The following FGF13 variants were observed in gnomAD, a reference collection of about 807,000 sequenced individuals.
The protein encoded by FGF13 is fibroblast growth factor 13.
Under a neutral mutation model 19.5 loss-of-function variants are expected in FGF13, and 2 were observed. The ratio of observed to expected loss-of-function variants is 0.10; its 90% CI spans 0.04 to 0.32. The LOEUF (loss-of-function observed/expected upper bound fraction) is 0.32, where lower values mean the gene tolerates loss of function less well. Ranked by LOEUF, FGF13 falls within the 10% of genes least tolerant of loss-of-function variation. The pLI is 1.00. For synonymous variants in FGF13, 72 were observed against 76.9 expected, an observed-to-expected ratio of 0.94 and a Z score of 0.33; for missense variants, 113 against 192.7, an observed-to-expected ratio of 0.59 and a Z score of 2.45.
At chrX:138,812,170 G>A (rs908661113) in intron 3 of FGF13, among the ~76,000 whole-genome samples, 9 of 111,251 alleles carry the variant, frequency 8.1e-5, no homozygotes, top group Non-Finnish European at 1.7e-4. Context: ...TACAACATGT[G>A]GTCTTTTGTG....
At chrX:139,160,197 C>T (rs775657198) in intron 1 of FGF13, among the ~76,000 whole-genome samples, 3 of 112,028 alleles carry the variant, frequency 2.7e-5, no homozygotes, top group Non-Finnish European at 3.8e-5. Flanking sequence ...CACTCAAAAC[C>T]GCACAACCAC....
At chrX:138,727,156 A>ATTT (rs78885934) in intron 1 of FGF13, among the ~76,000 whole-genome samples, 67 of 104,439 alleles carry the variant, frequency 6.4e-4, no homozygotes, top group African/African-American at 1.8e-3. Context: ...AATAAGATTC[A>ATTT]TTTTTTTTTT....
In FGF13 at chrX:138,618,460, CG is replaced by C. The variant is rs1372817880; in HGVS notation, c.*14389del. ...CTGAGAGGCTGTGAGCAGGGAACAG[CG>C]GTAGGGGCTCACAGCAACCAGAGAC... On this transcript the variant is annotated 3_prime_UTR_variant, in exon 5 of 5. Coordinates refer to ENST00000315930, the MANE Select transcript of FGF13 (RefSeq NM_004114.5). 1.8e-5 allele frequency: 2 copies of C among 111,428 alleles called. No individual in the cohort carries two copies. The highest frequency in any genetic ancestry group is 1.9e-4 in the Admixed American group (2 of 10,452). The allele number at this position is 111,428 out of a possible 1,213,427, so 9.2% of individuals were successfully genotyped here.
chrX:138,984,588 A>AAGAAGAAGG lies in FGF13; in HGVS notation c.-112-119939_-112-119938insCCTTCTTCT, dbSNP rs2091982501. On this transcript the variant is annotated intron_variant, in intron 1 of 2. Coordinates refer to the FGF13 transcript ENST00000421460. Reference sequence around the variant, plus strand: ...GAAGAAGAAGAAGAAGAAGAAGAAGAAGGAGGAGGAGGAGGAGGAGGAGGA... The same window carrying AAGAAGAAGG: ...GAAGAAGAAGAAGAAGAAGAAGAAGAAGAAGAAGGAGGAGGAGGAGGAGGAGGAGGAGGA... Among the ~76,000 whole-genome samples, 12 of 11,509 alleles carry AAGAAGAAGG rather than the reference A, an allele frequency of 1.0e-3. 1 individual carries two copies. Among genetic ancestry groups the AAGAAGAAGG allele is most frequent in the African/African-American group, 1.4e-3 (5 of 3,530 alleles). 10.0% of individuals were successfully genotyped at this position (11,509 alleles called of 115,157 possible).
chrX:139,044,549 TA>T (rs748920202), intron 1 of FGF13, among the ~76,000 whole-genome samples: 12 of 111,095 alleles, frequency 1.1e-4, no homozygotes, highest in Non-Finnish European at 1.9e-4. Context: ...TTATCTAAAC[TA>T]TATCATTCCA....
chrX:138,848,348 T>C (rs1481742281), intron 3 of FGF13, among the ~76,000 whole-genome samples: 1 of 111,076 alleles, frequency 9.0e-6, no homozygotes, highest in African/African-American at 3.3e-5. Flanking sequence ...GATTCCTGGA[T>C]TGACAGCTGA....
chrX:138,664,799 T>C (rs752346371), intron 3 of FGF13, among the ~76,000 whole-genome samples: 1 of 111,055 alleles, frequency 9.0e-6, no homozygotes. Flanking sequence ...CCTCTACCAA[T>C]AGCCAACAAT....
intron 3 of FGF13, among the ~76,000 whole-genome samples, chrX:138,801,521 C>A (rs929922513): frequency 1.7e-4 from 19 of 111,654 alleles, no homozygotes; most frequent in African/African-American, 5.9e-4. Flanking sequence ...TGTCTGTTGA[C>A]CCCTGCTGGG....
intron 1 of FGF13, among the ~76,000 whole-genome samples, chrX:139,007,772 G>A (rs1265627850): frequency 8.9e-6 from 1 of 112,276 alleles, no homozygotes; most frequent in Non-Finnish European, 1.9e-5. Flanking sequence ...ACAACTGCAG[G>A]AAAATACTAG....
chrX:138,928,937 C>A (rs919902269), intron 1 of FGF13, among the ~76,000 whole-genome samples: 2 of 112,138 alleles, frequency 1.8e-5, no homozygotes, highest in Admixed American at 1.9e-4. Flanking sequence ...GTTTACCAAA[C>A]ACATGTGTTC....
intron 1 of FGF13, among the ~76,000 whole-genome samples, chrX:139,035,890 G>T (rs2124398758): frequency 8.9e-6 from 1 of 111,795 alleles, no homozygotes; most frequent in African/African-American, 3.2e-5. Context: ...TAAAACACAA[G>T]CACATTTCTC....
chrX:139,127,498 G>A (rs1294466920), intron 1 of FGF13, among the ~76,000 whole-genome samples: 2 of 111,776 alleles, frequency 1.8e-5, no homozygotes, highest in Non-Finnish European at 3.8e-5. Flanking sequence ...ACAAATGGAA[G>A]AGGACATTGT....
At chrX:138,996,709 C>T (rs1271368308) in intron 1 of FGF13, among the ~76,000 whole-genome samples, 1 of 112,426 alleles carries the variant, frequency 8.9e-6, no homozygotes, top group African/African-American at 3.2e-5. Flanking sequence ...CCCCCATCTC[C>T]CTGGGACAGA....
chrX:139,139,348 A>C (rs1447752065), intron 1 of FGF13, among the ~76,000 whole-genome samples: 2 of 112,457 alleles, frequency 1.8e-5, no homozygotes, highest in Non-Finnish European at 3.7e-5. Flanking sequence ...CCACAAAAAT[A>C]GGTATGAGTT....
intron 1 of FGF13, among the ~76,000 whole-genome samples, chrX:138,956,915 A>C (rs1374438165): frequency 8.9e-6 from 1 of 111,741 alleles, no homozygotes; most frequent in Non-Finnish European, 1.9e-5. Context: ...AAAAGTACAC[A>C]TTTCTGGAAG....
At chrX:138,909,543 G>A (rs748770929) in intron 1 of FGF13, among the ~76,000 whole-genome samples, 5 of 111,687 alleles carry the variant, frequency 4.5e-5, no homozygotes, top group Admixed American at 9.5e-5. Flanking sequence ...GATTGGCATG[G>A]CCACCCTATG....
At chrX:138,676,790 G>T (rs1199042010) in intron 3 of FGF13, among the ~76,000 whole-genome samples, 1 of 112,171 alleles carries the variant, frequency 8.9e-6, no homozygotes, top group Non-Finnish European at 1.9e-5. Flanking sequence ...GAGCTCAGGT[G>T]GTAATGTTTG....
chrX:138,923,192 G>A (rs907095581), intron 1 of FGF13, among the ~76,000 whole-genome samples: 10 of 111,717 alleles, frequency 9.0e-5, no homozygotes, highest in African/African-American at 3.3e-4. Flanking sequence ...AACATTGTGT[G>A]TTCATATCTA....
intron 1 of FGF13, among the ~76,000 whole-genome samples, chrX:138,905,967 G>A (rs1460343949): frequency 9.0e-6 from 1 of 111,482 alleles, no homozygotes; most frequent in Non-Finnish European, 1.9e-5. Context: ...ACAAGTCCAT[G>A]GATGCTATAG....
Sources: gnomAD v4.1 joint callset for allele counts (sites outside exome capture counted in the v4.1 genomes callset) on GRCh38, gnomAD v4.1.1 for gene constraint, MANE v1.5 for transcripts, NCBI Gene and HGNC (gene_info 2026-07-23, HGNC 2026-07-21) for gene names.